Variants in UNC80 observed in about 807,000 individuals in gnomAD.
The protein encoded by UNC80 is protein unc-80 homolog.
A neutral mutation model predicts 384.6 loss-of-function variants in UNC80; 164 were observed. The ratio of observed to expected loss-of-function variants is 0.43; its 90% confidence interval spans 0.38 to 0.49. The LOEUF (loss-of-function observed/expected upper bound fraction) is 0.49. Among genes scored for constraint, UNC80 ranks in the 20% least tolerant of loss-of-function variants. The pLI is 0.00. For missense variants in UNC80, 3,330 were observed against 4,143.0 expected, an observed-to-expected ratio of 0.80 and a Z score of 5.39; for synonymous variants, 1,486 against 1,527.8, an observed-to-expected ratio of 0.97 and a Z score of 0.64.
intron 16 of UNC80, among the ~76,000 whole-genome samples, chr2:209,833,709 A>G (rs4672559): frequency 0.84 from 127,017 of 152,104 alleles, 54,170 homozygotes; most frequent in Non-Finnish European, 0.92. Flanking sequence ...GGCATCCAAT[A>G]GTTTAAAATG....
intron 61 of UNC80, among the ~76,000 whole-genome samples, chr2:209,985,174 G>C (rs978615591): frequency 1.3e-5 from 2 of 152,068 alleles, no homozygotes; most frequent in African/African-American, 4.8e-5. Flanking sequence ...ATTCTTTATG[G>C]GGCATTTCCC....
intron 23 of UNC80, among the ~76,000 whole-genome samples, chr2:209,875,615 G>A (rs549633484): frequency 6.6e-6 from 1 of 152,226 alleles, no homozygotes; most frequent in East Asian, 1.9e-4. Flanking sequence ...TGTAGGATCT[G>A]ATCCAAATCT....
At chr2:209,943,571 G>A in intron 45 of UNC80, 57 bp downstream of exon 45, 4 of 1,541,816 alleles carry the variant, frequency 2.6e-6, no homozygotes, top group Non-Finnish European at 3.5e-6. Context: ...AAAAGCAAAG[G>A]TTATTTATTA....
At chr2:209,773,804 G>A (rs2076716956) in intron 2 of UNC80, among the ~76,000 whole-genome samples, 1 of 152,114 alleles carries the variant, frequency 6.6e-6, no homozygotes, top group Non-Finnish European at 1.5e-5. Context: ...TTTATGTCTT[G>A]CATATGTTCT....
chr2:209,866,511 CACACACACACACACACACACACAGAG>C, intron 22 of UNC80, among the ~76,000 whole-genome samples: 1 of 137,110 alleles, frequency 7.3e-6, no homozygotes, highest in African/African-American at 2.8e-5. Flanking sequence ...CACACACACA[CACACACACACACACACACACACAGAG>C]AGAGAGAGAG....
intron 4 of UNC80, among the ~76,000 whole-genome samples, chr2:209,778,217 A>T (rs1418532846): frequency 6.6e-6 from 1 of 152,132 alleles, no homozygotes; most frequent in Non-Finnish European, 1.5e-5. Flanking sequence ...AGCCTGGCCA[A>T]CATGGCAAAA....
intron 47 of UNC80, among the ~76,000 whole-genome samples, chr2:209,950,684 G>A (rs7561328): frequency 0.1 from 15,419 of 150,842 alleles, 1,929 homozygotes; most frequent in African/African-American, 0.3. Flanking sequence ...TCAGCCTCCC[G>A]AGTAGCTGGG....
chr2:209,942,154 A>G (rs1416047011), intron 44 of UNC80, among the ~76,000 whole-genome samples: 1 of 152,166 alleles, frequency 6.6e-6, no homozygotes, highest in Admixed American at 6.5e-5. Flanking sequence ...TGAACTGTGC[A>G]TGCAAGGGAT....
At chr2:209,783,271 T>G (rs2153825028) in intron 4 of UNC80, among the ~76,000 whole-genome samples, 1 of 152,166 alleles carries the variant, frequency 6.6e-6, no homozygotes, top group South Asian at 2.1e-4. Context: ...TGATAAAGAG[T>G]GTCCTCTCCA....
intron 33 of UNC80, among the ~76,000 whole-genome samples, chr2:209,920,821 A>C (rs2089974718): frequency 6.6e-6 from 1 of 151,922 alleles, no homozygotes; most frequent in East Asian, 1.9e-4. Flanking sequence ...TTATGAAATA[A>C]ATGTTCTTCT....
chr2:209,806,595 G>A (rs922670205), intron 7 of UNC80, among the ~76,000 whole-genome samples: 2 of 152,166 alleles, frequency 1.3e-5, no homozygotes, highest in African/African-American at 2.4e-5. Context: ...AAATACAAAT[G>A]TTCATGTGTC....
At position 209,976,207 on chromosome 2, in the gene UNC80, G is replaced by C. The variant is rs1239934157; in HGVS notation, c.8676G>C (p.Arg2892=). ...TCCAGGTGAAGGAGATGGCTCTGCGGAAGGTGGGAGGCCTGGCCCTTTGGG... is the reference window on the plus strand; with the variant it reads ...TCCAGGTGAAGGAGATGGCTCTGCGCAAGGTGGGAGGCCTGGCCCTTTGGG... ...LSLQVKEMAL[R]KVGGLALWDF... is the part of the protein sequence containing the mutation. Residue 2892 remains arginine (R), a synonymous_variant, in exon 57 of 65, where the codon CGG becomes CGC. Coordinates refer to ENST00000673920, the MANE Select transcript of UNC80 (RefSeq NM_001371986.1). This position sits in a 1 kb window ranked among gnomAD's most constrained non-coding sequence, Gnocchi z 4.3. 6.4e-7 allele frequency: 1 copy of C among 1,551,706 alleles called. No individual in the cohort carries two copies. Among genetic ancestry groups the C allele is most frequent in the South Asian group, 1.2e-5 (1 of 84,062 alleles).
At position 209,954,120 on chromosome 2, in the gene UNC80, T is replaced by C. The variant is rs1302152893; in HGVS notation, c.7307T>C (p.Leu2436Ser). ...SFRSLQMLMV[L>S]EALVPCYLQK... ...TAAAGTCTTCAGATGCTGATGGTCTTAGAAGCCTTAGTTCCATGTTACCTA... is the reference window on the plus strand; with the variant it reads ...TAAAGTCTTCAGATGCTGATGGTCTCAGAAGCCTTAGTTCCATGTTACCTA... The change falls in exon 48 of 65, where the codon TTA (leucine) becomes TCA (serine). Residue 2436 changes from leucine to serine, a missense_variant. By Grantham distance (145) the Leu-to-Ser change is moderately radical. This residue lies in a region of UNC80 where 1,049 missense variants were observed against 1,488.6 expected (regional missense o/e 0.70). Coordinates refer to ENST00000673920, the MANE Select transcript of UNC80 (RefSeq NM_001371986.1). 1.9e-6 allele frequency: 3 copies of C among 1,550,294 alleles called. No homozygotes were observed. The highest frequency in any genetic ancestry group is 1.4e-5 in the African/African-American group (1 of 73,122).
chr2:209,926,748 C>T, intron 35 of UNC80, 95 bp from the exon 36 acceptor site: 1 of 1,454,082 alleles, frequency 6.9e-7, no homozygotes, highest in South Asian at 1.4e-5. Flanking sequence ...TGTACTCCAG[C>T]CTGGGTGACA....
intron 33 of UNC80, among the ~76,000 whole-genome samples, chr2:209,919,668 T>G (rs1408541198): frequency 6.6e-6 from 1 of 152,162 alleles, no homozygotes; most frequent in Non-Finnish European, 1.5e-5. Context: ...GGAGAACTGT[T>G]TTTTAAACTC....
chr2:209,808,702 A>G, intron 7 of UNC80: 2 of 110,016 alleles, frequency 1.8e-5, no homozygotes, highest in South Asian at 2.8e-4. Context: ...TACTTAAGGG[A>G]GTTGGCGGAG....
chr2:209,960,359 G>A (rs1000681005), intron 51 of UNC80, among the ~76,000 whole-genome samples: 3 of 152,200 alleles, frequency 2.0e-5, no homozygotes, highest in Non-Finnish European at 4.4e-5. Flanking sequence ...TCTTCCTACA[G>A]AGATGCCATT....
At chr2:209,899,844 A>G (rs570235751) in intron 28 of UNC80, among the ~76,000 whole-genome samples, 23 of 152,310 alleles carry the variant, frequency 1.5e-4, no homozygotes, top group Admixed American at 3.3e-4. Context: ...GCCAATGCCT[A>G]GAAGGGAAAA....
intron 23 of UNC80, among the ~76,000 whole-genome samples, chr2:209,877,200 TAG>T (rs1047475228): frequency 5.9e-5 from 9 of 152,162 alleles, no homozygotes; most frequent in Admixed American, 5.2e-4. Context: ...ATGAATTAGA[TAG>T]AGATAGTGTT....
Sources: gnomAD v4.1 joint callset for allele counts (sites outside exome capture counted in the v4.1 genomes callset) on GRCh38, gnomAD v4.1.1 for gene constraint, gnomAD v4.1.1 regional missense constraint, Gnocchi (gnomAD v3.1) non-coding constraint, MANE v1.5 for transcripts, NCBI Gene and HGNC (gene_info 2026-07-23, HGNC 2026-07-21) for gene names.